Variants in CDH18 observed in about 807,000 individuals in gnomAD.
CDH18 encodes the protein cadherin-18.
In CDH18, 31 loss-of-function variants were observed where a neutral mutation model predicts 67.9. That is an observed-to-expected ratio of 0.46 (90% CI 0.34 to 0.62). The LOEUF is 0.62. Among genes scored for constraint, CDH18 ranks in the 20% least tolerant of loss-of-function variants. CDH18 has a pLI of 0.01. For synonymous variants in CDH18, 362 were observed against 347.2 expected, an observed-to-expected ratio of 1.04 and a Z score of -0.48; for missense variants, 890 against 975.5, an observed-to-expected ratio of 0.91 and a Z score of 1.17.
chr5:20,387,995 C>A (rs1253729773), intron 1 of CDH18, among the ~76,000 whole-genome samples: 2 of 151,958 alleles, frequency 1.3e-5, no homozygotes, highest in Non-Finnish European at 2.9e-5. Context: ...ATTTTTGCAT[C>A]GATGTTCATC....
intron 2 of CDH18, among the ~76,000 whole-genome samples, chr5:20,049,965 C>G (rs1479159969): frequency 6.6e-6 from 1 of 151,546 alleles, no homozygotes; most frequent in African/African-American, 2.4e-5. Flanking sequence ...TGAGAAAACA[C>G]AAGATATAGT....
chr5:20,358,039 G>A (rs892413638), intron 1 of CDH18, among the ~76,000 whole-genome samples: 2 of 152,064 alleles, frequency 1.3e-5, no homozygotes, highest in African/African-American at 4.8e-5. Flanking sequence ...AGCAAACTAG[G>A]GCAGAAACAG....
chr5:20,372,289 T>C (rs1743066563), intron 1 of CDH18, among the ~76,000 whole-genome samples: 1 of 152,226 alleles, frequency 6.6e-6, no homozygotes, highest in Non-Finnish European at 1.5e-5. Context: ...ATACAATGTG[T>C]AATTAATTGT....
chr5:19,995,363 T>C lies in CDH18; in HGVS notation c.-517-3349A>G, dbSNP rs1286141063. On this transcript the variant is annotated intron_variant, in intron 2 of 14. Transcript: ENST00000507958. ...GTTTTTTTATCATTATATATTTGCA[T>C]ATCTGTTTCTTAATTGAATGCAAGC... Among the ~76,000 whole-genome samples the C allele has an allele frequency of 1.4e-4, 21 of 152,144 alleles. 1 individual carries two copies. The highest frequency in any genetic ancestry group is 1.4e-3 in the Admixed American group (21 of 15,278).
intron 1 of CDH18, among the ~76,000 whole-genome samples, chr5:20,552,524 C>G (rs1211390182): frequency 1.3e-5 from 2 of 152,018 alleles, no homozygotes; most frequent in Non-Finnish European, 2.9e-5. Flanking sequence ...TTACTTCTTT[C>G]TTCTCTAATT....
chr5:20,124,668 C>T (rs1163364861), intron 2 of CDH18, among the ~76,000 whole-genome samples: 6 of 152,104 alleles, frequency 3.9e-5, no homozygotes, highest in African/African-American at 9.7e-5. Context: ...GTTGTGTTTT[C>T]GTCCAAGTAC....
At chr5:20,044,346 A>C (rs955062029) in intron 2 of CDH18, among the ~76,000 whole-genome samples, 4 of 152,100 alleles carry the variant, frequency 2.6e-5, no homozygotes, top group Non-Finnish European at 5.9e-5. Flanking sequence ...GGCTAGTTGG[A>C]GAAGGTTTTT....
At chr5:20,130,030 ACC>A (rs1211801374) in intron 2 of CDH18, among the ~76,000 whole-genome samples, 2 of 150,566 alleles carry the variant, frequency 1.3e-5, no homozygotes, top group African/African-American at 4.9e-5. Flanking sequence ...GGTGGAAAGT[ACC>A]TATACAGATA....
intron 1 of CDH18, among the ~76,000 whole-genome samples, chr5:20,497,114 T>C (rs1177617702): frequency 2.6e-5 from 4 of 151,946 alleles, no homozygotes; most frequent in Non-Finnish European, 5.9e-5. Flanking sequence ...AGTGCTCATG[T>C]TTGAATTAAT....
At chr5:20,381,447 A>G (rs986494807) in intron 1 of CDH18, among the ~76,000 whole-genome samples, 4 of 152,068 alleles carry the variant, frequency 2.6e-5, no homozygotes, top group African/African-American at 9.7e-5. Flanking sequence ...GCATCAACCA[A>G]TTTAAATTGT....
At chr5:19,890,638 A>T (rs2136127) in intron 2 of CDH18, among the ~76,000 whole-genome samples, 5,339 of 146,498 alleles carry the variant, frequency 0.036, 310 homozygotes, top group African/African-American at 0.13. Flanking sequence ...TCTGTCGCCC[A>T]GGCAGGAGTG....
rs193258972 is a variant in CDH18, at chr5:20,372,391, T to C, written c.-579-116886A>G. ...CCAGCTGTTTTGAAAATGCAATAAA[T>C]TATTTTTAACAATAACTTCTCCACT... is the stretch of plus-strand genomic sequence containing the variant. On this transcript the variant is annotated intron_variant, in intron 1 of 14. Coordinates refer to the CDH18 transcript ENST00000507958. 2.3e-3 allele frequency among the ~76,000 whole-genome samples: 355 copies of C among 152,274 alleles called. 5 individuals are homozygous for C. The South Asian group carries it at 0.025, about 11-fold the overall frequency.
At chr5:20,388,932 T>A (rs947403397) in intron 1 of CDH18, among the ~76,000 whole-genome samples, 15 of 152,194 alleles carry the variant, frequency 9.9e-5, no homozygotes, top group Non-Finnish European at 2.1e-4. Flanking sequence ...TGTTATAATT[T>A]CTGTTTTTTC....
intron 1 of CDH18, among the ~76,000 whole-genome samples, chr5:20,265,004 G>T (rs1020330074): frequency 9.2e-5 from 14 of 152,096 alleles, no homozygotes; most frequent in Non-Finnish European, 2.1e-4. Context: ...ATAATGATAC[G>T]AGAGACGAGT....
intron 2 of CDH18, among the ~76,000 whole-genome samples, chr5:20,052,175 A>G (rs1040993586): frequency 6.6e-6 from 1 of 152,154 alleles, no homozygotes; most frequent in Non-Finnish European, 1.5e-5. Flanking sequence ...TGGAATAGCA[A>G]CTAAGTTCTA....
intron 1 of CDH18, among the ~76,000 whole-genome samples, chr5:20,402,752 T>A (rs1361660884): frequency 6.6e-6 from 1 of 151,916 alleles, no homozygotes. Flanking sequence ...GGGTGCTGCT[T>A]GTTGAAGTTT....
chr5:20,520,354 T>C (rs767474380), intron 1 of CDH18, among the ~76,000 whole-genome samples: 3 of 152,120 alleles, frequency 2.0e-5, no homozygotes, highest in Non-Finnish European at 2.9e-5. Flanking sequence ...AAGAGACTAG[T>C]GCCCTTTGTT....
At chr5:20,023,057 TA>T (rs745690159) in intron 2 of CDH18, among the ~76,000 whole-genome samples, 7 of 152,314 alleles carry the variant, frequency 4.6e-5, no homozygotes, top group South Asian at 4.1e-4. Context: ...TTTTAAACTT[TA>T]AAACACACCA....
At chr5:20,521,348 C>A (rs934902298) in intron 1 of CDH18, among the ~76,000 whole-genome samples, 1 of 152,082 alleles carries the variant, frequency 6.6e-6, no homozygotes, top group African/African-American at 2.4e-5. Context: ...AACAATCAAG[C>A]CTTCTGTCCA....
Sources: gnomAD v4.1 joint callset for allele counts (sites outside exome capture counted in the v4.1 genomes callset) on GRCh38, gnomAD v4.1.1 for gene constraint, MANE v1.5 for transcripts, NCBI Gene and HGNC (gene_info 2026-07-23, HGNC 2026-07-21) for gene names.